Variants in CNTN5 observed in about 807,000 individuals in gnomAD.
The protein encoded by CNTN5 is contactin-5.
Under a neutral mutation model 129.1 loss-of-function variants are expected in CNTN5, and 77 were observed. The observed-to-expected ratio is 0.60, with a 90% CI of 0.50 to 0.72. CNTN5 has a LOEUF of 0.72. Ranked by LOEUF, CNTN5 falls within the 30% of genes least tolerant of loss-of-function variation. CNTN5 has a pLI of 0.00. For synonymous variants in CNTN5, 509 were observed against 465.6 expected (o/e 1.09, Z -1.20); for missense variants, 1,478 against 1,328.8 (o/e 1.11, Z -1.75).
At chr11:99,824,662 T>A (rs1245701091) in intron 4 of CNTN5, among the ~76,000 whole-genome samples, 1 of 152,014 alleles carries the variant, frequency 6.6e-6, no homozygotes, top group East Asian at 1.9e-4. Flanking sequence ...AAACCCTTTT[T>A]ACCTTAAATT....
At chr11:99,948,044 A>G (rs1241483288) in intron 7 of CNTN5, among the ~76,000 whole-genome samples, 1 of 152,196 alleles carries the variant, frequency 6.6e-6, no homozygotes, top group Non-Finnish European at 1.5e-5. Context: ...AGAAAACTTT[A>G]TTTTGCTAAC....
chr11:99,750,155 T>C (rs1420771539), intron 3 of CNTN5, among the ~76,000 whole-genome samples: 2 of 152,202 alleles, frequency 1.3e-5, no homozygotes, highest in Non-Finnish European at 2.9e-5. Flanking sequence ...TCTTTTTAAA[T>C]TTTTGAGGAA....
intron 1 of CNTN5, among the ~76,000 whole-genome samples, chr11:99,171,717 G>T (rs1861157416): frequency 6.6e-6 from 1 of 152,142 alleles, no homozygotes; most frequent in Non-Finnish European, 1.5e-5. Flanking sequence ...TGTTATGCCA[G>T]TGTTTTCTCT....
At chr11:99,068,786 T>C (rs2135239778) in intron 1 of CNTN5, among the ~76,000 whole-genome samples, 1 of 152,248 alleles carries the variant, frequency 6.6e-6, no homozygotes, top group East Asian at 1.9e-4. Flanking sequence ...ACAATATGGG[T>C]GACTGAGTAT....
chr11:99,051,234 A>G (rs542263263), intron 1 of CNTN5, among the ~76,000 whole-genome samples: 1 of 152,024 alleles, frequency 6.6e-6, no homozygotes, highest in East Asian at 1.9e-4. Flanking sequence ...TTTATAATGT[A>G]TTTCAAGAAA....
intron 2 of CNTN5, among the ~76,000 whole-genome samples, chr11:99,448,171 A>T (rs987641962): frequency 6.6e-6 from 1 of 152,184 alleles, no homozygotes; most frequent in Admixed American, 6.5e-5. Context: ...AAAGGATAAG[A>T]GGGCTTTCAA....
intron 13 of CNTN5, among the ~76,000 whole-genome samples, chr11:100,079,927 C>A (rs964322006): frequency 6.6e-6 from 1 of 152,124 alleles, no homozygotes; most frequent in African/African-American, 2.4e-5. Flanking sequence ...AAAATATAAT[C>A]ATCCAGAAGC....
chr11:99,888,166 A>C (rs1026460202), intron 6 of CNTN5, among the ~76,000 whole-genome samples: 3 of 152,144 alleles, frequency 2.0e-5, no homozygotes, highest in Non-Finnish European at 4.4e-5. Context: ...TATGTTACGA[A>C]TCATTATCAT....
intron 8 of CNTN5, among the ~76,000 whole-genome samples, chr11:99,984,005 C>T (rs1276330761): frequency 6.6e-6 from 1 of 152,116 alleles, no homozygotes; most frequent in Non-Finnish European, 1.5e-5. Context: ...ATAGTGGCGA[C>T]ACCTGTTACC....
chr11:99,870,344 T>C (rs954125108), intron 6 of CNTN5, among the ~76,000 whole-genome samples: 1 of 152,130 alleles, frequency 6.6e-6, no homozygotes, highest in Non-Finnish European at 1.5e-5. Context: ...CTTCCACTCC[T>C]TACACGTTCC....
chr11:99,610,434 G>T (rs1412133076), intron 3 of CNTN5, among the ~76,000 whole-genome samples: 1 of 152,138 alleles, frequency 6.6e-6, no homozygotes, highest in Non-Finnish European at 1.5e-5. Flanking sequence ...TCCAAATGAT[G>T]AATTTATGGA....
intron 3 of CNTN5, among the ~76,000 whole-genome samples, chr11:99,781,095 G>T (rs1945295063): frequency 6.6e-6 from 1 of 152,026 alleles, no homozygotes; most frequent in South Asian, 2.1e-4. Context: ...GCAGAATTGT[G>T]TCTGCTTGAT....
At chr11:100,151,382 C>T (rs1273158842) in intron 13 of CNTN5, among the ~76,000 whole-genome samples, 1 of 151,960 alleles carries the variant, frequency 6.6e-6, no homozygotes, top group Non-Finnish European at 1.5e-5. Context: ...AGTCTATGTT[C>T]TAGTGTATGC....
chr11:99,531,564 C>T (rs541147300), intron 2 of CNTN5, among the ~76,000 whole-genome samples: 1 of 152,288 alleles, frequency 6.6e-6, no homozygotes, highest in Non-Finnish European at 1.5e-5. Context: ...GCAGCGCCTC[C>T]CATCACCAGC....
At chr11:100,141,652 A>G (rs1052050928) in intron 13 of CNTN5, among the ~76,000 whole-genome samples, 5 of 152,186 alleles carry the variant, frequency 3.3e-5, no homozygotes, top group Non-Finnish European at 5.9e-5. Flanking sequence ...TTTGGTACAG[A>G]GTATCCTCTA....
At chr11:100,201,797 C>T (rs1359527590) in intron 15 of CNTN5, among the ~76,000 whole-genome samples, 1 of 151,962 alleles carries the variant, frequency 6.6e-6, no homozygotes, top group African/African-American at 2.4e-5. Flanking sequence ...CACTCCTTCC[C>T]CAAGCTATGG....
chr11:99,066,471 C>T (rs535510375), intron 1 of CNTN5, among the ~76,000 whole-genome samples: 1 of 151,988 alleles, frequency 6.6e-6, no homozygotes, highest in African/African-American at 2.4e-5. Context: ...GAGGGTATGG[C>T]CAAACAGACA....
At chr11:99,545,854 T>C (rs951593980) in intron 2 of CNTN5, among the ~76,000 whole-genome samples, 1 of 152,234 alleles carries the variant, frequency 6.6e-6, no homozygotes, top group Non-Finnish European at 1.5e-5. Context: ...CATTTTGGAA[T>C]GTGTGAGACA....
At chr11:99,240,027 T>G (rs897143300) in intron 1 of CNTN5, among the ~76,000 whole-genome samples, 2 of 152,222 alleles carry the variant, frequency 1.3e-5, no homozygotes, top group African/African-American at 4.8e-5. Context: ...TAAGTAGCCC[T>G]TGTTCCAGAT....
Sources: gnomAD v4.1 joint callset for allele counts (sites outside exome capture counted in the v4.1 genomes callset) on GRCh38, gnomAD v4.1.1 for gene constraint, MANE v1.5 for transcripts, NCBI Gene and HGNC (gene_info 2026-07-23, HGNC 2026-07-21) for gene names.